The following JARID2 variants were observed in gnomAD, a reference collection of about 807,000 sequenced individuals.
The protein encoded by JARID2 is jumonji and AT-rich interaction domain containing 2.
JARID2 carries 21 observed loss-of-function variants against 125.6 expected under a neutral mutation model. That is an observed-to-expected ratio of 0.17 (90% confidence interval 0.12 to 0.24). The LOEUF (loss-of-function observed/expected upper bound fraction) is 0.24. JARID2 is among the 10% of genes least tolerant of loss of function. The pLI, the probability that JARID2 is intolerant of heterozygous loss-of-function variation, is 1.00. For missense variants in JARID2, 1,303 were observed against 1,639.6 expected (o/e 0.79, Z 3.55); for synonymous variants, 736 against 661.6 (o/e 1.11, Z -1.73).
At chr6:15,368,207 G>A (rs1215788553) in intron 1 of JARID2, among the ~76,000 whole-genome samples, 2 of 152,136 alleles carry the variant, frequency 1.3e-5, no homozygotes. Flanking sequence ...ATAGCTTTCT[G>A]TCAGTGGCCT....
intron 5 of JARID2, among the ~76,000 whole-genome samples, chr6:15,478,423 T>C (rs930184153): frequency 6.6e-6 from 1 of 152,152 alleles, no homozygotes; most frequent in African/African-American, 2.4e-5. Context: ...GGGCCGACTG[T>C]ATTTAGTTTT....
At chr6:15,366,734 C>T (rs536883818) in intron 1 of JARID2, among the ~76,000 whole-genome samples, 3 of 152,162 alleles carry the variant, frequency 2.0e-5, no homozygotes, top group South Asian at 4.1e-4. Context: ...ATGTCCTGTG[C>T]CCCTGCCCAG....
chr6:15,513,253 G>C lies in JARID2; in HGVS notation c.3281G>C (p.Arg1094Pro). 1 of 1,569,548 alleles carries C rather than the reference G, an allele frequency of 6.4e-7. No homozygotes were observed. The highest frequency in any genetic ancestry group is 8.6e-7 in the Non-Finnish European group (1 of 1,156,114). The change falls in exon 16 of 18, where the codon CGG becomes CCG. Residue 1094 changes from arginine (R) to proline (P), a missense_variant. Arg to Pro is a moderately radical substitution (Grantham distance 103). Coordinates refer to ENST00000341776, the MANE Select transcript of JARID2 (RefSeq NM_004973.4). Reference sequence around the variant, plus strand: ...GTGTCTGGCAGGGATACAGAGCTGCGGCAGCGCAGGCAGCTGTTCGAGGCT... The same window carrying C: ...GTGTCTGGCAGGGATACAGAGCTGCCGCAGCGCAGGCAGCTGTTCGAGGCT... Reference protein sequence around the residue: ...LLDELRDTELRQRRQLFEAGL... With the variant: ...LLDELRDTELPQRRQLFEAGL...
chr6:15,382,774 A>T (rs1764639342), intron 2 of JARID2, among the ~76,000 whole-genome samples: 1 of 152,226 alleles, frequency 6.6e-6, no homozygotes, highest in South Asian at 2.1e-4. Context: ...CTGGAGCGTT[A>T]AGAATGGAGG....
chr6:15,323,690 C>CCGAAGCAGGCAGAT (rs1424549643), intron 1 of JARID2, among the ~76,000 whole-genome samples: 1 of 152,116 alleles, frequency 6.6e-6, no homozygotes, highest in African/African-American at 2.4e-5. Flanking sequence ...CTTTGGGAGG[C>CCGAAGCAGGCAGAT]CGAAGCAGGC....
In JARID2 at chr6:15,434,653, T is replaced by C. The variant is rs144944718; in HGVS notation, c.324-17353T>C. Among the ~76,000 whole-genome samples the C allele has an allele frequency of 2.4e-3, 361 of 152,360 alleles. 1 individual carries two copies. Among genetic ancestry groups the C allele is most frequent in the Non-Finnish European group, 4.1e-3 (276 of 68,022 alleles). ...ATTCAAGTATTTTGATAGAATGTTA[T>C]TGTGTATTCTCCAGCAGTATTTAAT... is the stretch of plus-strand genomic sequence containing the variant. On this transcript the variant is annotated intron_variant, in intron 3 of 17. Transcript: ENST00000341776.
At chr6:15,380,329 C>T (rs1764532612) in intron 2 of JARID2, among the ~76,000 whole-genome samples, 1 of 152,132 alleles carries the variant, frequency 6.6e-6, no homozygotes, top group African/African-American at 2.4e-5. Flanking sequence ...GCCACCGTGC[C>T]TGGCCGTCAG....
chr6:15,335,203 G>A (rs1396874455), intron 1 of JARID2, among the ~76,000 whole-genome samples: 10 of 152,052 alleles, frequency 6.6e-5, no homozygotes, highest in Admixed American at 5.2e-4. Flanking sequence ...GGCTTCAAGC[G>A]ATTCTCATGC....
intron 3 of JARID2, among the ~76,000 whole-genome samples, chr6:15,447,380 A>T (rs1314725690): frequency 1.2e-5 from 1 of 80,504 alleles, no homozygotes; most frequent in African/African-American, 5.3e-5. Flanking sequence ...AAGAATTAAT[A>T]AAAAAAACAC....
intron 12 of JARID2, among the ~76,000 whole-genome samples, chr6:15,510,897 G>A (rs1028508103): frequency 1.3e-5 from 2 of 152,268 alleles, no homozygotes; most frequent in East Asian, 3.8e-4. Context: ...TCCTGCAGTG[G>A]CCTCTGTTAA....
intron 1 of JARID2, among the ~76,000 whole-genome samples, chr6:15,362,597 G>A (rs1763837467): frequency 6.6e-6 from 1 of 152,120 alleles, no homozygotes; most frequent in African/African-American, 2.4e-5. Context: ...AAGCCTGTAA[G>A]GGAAGTTAGG....
chr6:15,392,616 T>C (rs1031769223), intron 2 of JARID2, among the ~76,000 whole-genome samples: 1 of 151,810 alleles, frequency 6.6e-6, no homozygotes, highest in African/African-American at 2.4e-5. Flanking sequence ...TGCTGTCCTA[T>C]ATAGTAGCCA....
At chr6:15,459,704 G>T (rs1285988245) in intron 4 of JARID2, among the ~76,000 whole-genome samples, 1 of 152,220 alleles carries the variant, frequency 6.6e-6, no homozygotes, top group Non-Finnish European at 1.5e-5. Context: ...TCTAAAGAGC[G>T]TTGCTGGCCT....
At chr6:15,434,016 T>C (rs1767093980) in intron 3 of JARID2, among the ~76,000 whole-genome samples, 2 of 151,282 alleles carry the variant, frequency 1.3e-5, no homozygotes, top group Admixed American at 6.6e-5. Context: ...CAGTGTACTT[T>C]ACTTTCCCTG....
intron 2 of JARID2, among the ~76,000 whole-genome samples, chr6:15,378,304 G>T (rs772370733): frequency 6.6e-6 from 1 of 151,654 alleles, no homozygotes; most frequent in Non-Finnish European, 1.5e-5. Context: ...AATTTGTCTG[G>T]TGGTAGAGTT....
chr6:15,423,825 T>G (rs1766606224), intron 3 of JARID2, among the ~76,000 whole-genome samples: 1 of 152,196 alleles, frequency 6.6e-6, no homozygotes, highest in African/African-American at 2.4e-5. Flanking sequence ...AACATGTGTC[T>G]GGTGACCAGT....
At chr6:15,440,195 A>T (rs1260012693) in intron 3 of JARID2, among the ~76,000 whole-genome samples, 1 of 152,218 alleles carries the variant, frequency 6.6e-6, no homozygotes, top group Non-Finnish European at 1.5e-5. Context: ...TCTGTTGTCC[A>T]CTGCCGCTGT....
At chr6:15,491,583 G>T (rs1770153534) in intron 6 of JARID2, among the ~76,000 whole-genome samples, 1 of 152,268 alleles carries the variant, frequency 6.6e-6, no homozygotes, top group South Asian at 2.1e-4. Context: ...TCGTGGAGAA[G>T]AAGAACTTGC....
intron 1 of JARID2, among the ~76,000 whole-genome samples, chr6:15,372,715 TA>T (rs1359949903): frequency 1.3e-5 from 2 of 151,872 alleles, no homozygotes; most frequent in African/African-American, 2.4e-5. Context: ...TTTATTTATT[TA>T]TTTTTTTTTT....
Sources: gnomAD v4.1 joint callset for allele counts (sites outside exome capture counted in the v4.1 genomes callset) on GRCh38, gnomAD v4.1.1 for gene constraint, MANE v1.5 for transcripts, NCBI Gene and HGNC (gene_info 2026-07-23, HGNC 2026-07-21) for gene names.